SPOCK3: variants seen among roughly 807,000 people sequenced by gnomAD.
SPOCK3 encodes the protein testican-3.
SPOCK3 carries 30 observed loss-of-function variants against 56.6 expected under a neutral mutation model. The observed-to-expected ratio is 0.53, with a 90% CI of 0.40 to 0.72. The LOEUF is 0.72. Among genes scored for constraint, SPOCK3 ranks in the 30% least tolerant of loss-of-function variants. SPOCK3 has a pLI of 0.00. For synonymous variants in SPOCK3, 196 were observed against 183.3 expected (o/e 1.07, Z -0.56); for missense variants, 527 against 530.0 (o/e 0.99, Z 0.06).
intron 2 of SPOCK3, among the ~76,000 whole-genome samples, chr4:167,101,576 G>A (rs1221315440): frequency 6.6e-6 from 1 of 151,694 alleles, no homozygotes; most frequent in African/African-American, 2.4e-5. Context: ...TTACCAATAA[G>A]TGCTATTTAT....
intron 2 of SPOCK3, among the ~76,000 whole-genome samples, chr4:167,077,372 A>G (rs1394497250): frequency 6.6e-6 from 1 of 151,844 alleles, no homozygotes; most frequent in Non-Finnish European, 1.5e-5. Context: ...AAAAAAAGCT[A>G]TAGCCCAAAT....
intron 2 of SPOCK3, among the ~76,000 whole-genome samples, chr4:167,067,844 T>C (rs868850440): frequency 9.2e-5 from 14 of 152,010 alleles, no homozygotes; most frequent in Middle Eastern, 3.4e-3. Context: ...CTTTTTTCTT[T>C]TTAATTCACA....
chr4:166,847,278 A>G (rs894266789), intron 6 of SPOCK3, among the ~76,000 whole-genome samples: 2 of 151,980 alleles, frequency 1.3e-5, no homozygotes. Context: ...GATTCCTTTT[A>G]TTTTATTATT....
chr4:166,964,983 G>A (rs1744559927), intron 4 of SPOCK3, among the ~76,000 whole-genome samples: 1 of 151,864 alleles, frequency 6.6e-6, no homozygotes, highest in Non-Finnish European at 1.5e-5. Flanking sequence ...GGACTTTTCA[G>A]TGTTTACAAG....
At chr4:167,131,601 C>T (rs894476052) in intron 2 of SPOCK3, among the ~76,000 whole-genome samples, 11 of 151,736 alleles carry the variant, frequency 7.2e-5, no homozygotes, top group Non-Finnish European at 1.5e-4. Context: ...AGACTCCGTC[C>T]CCCACAAAAA....
At chr4:167,056,820 T>A (rs1754930278) in intron 3 of SPOCK3, among the ~76,000 whole-genome samples, 5 of 152,288 alleles carry the variant, frequency 3.3e-5, no homozygotes, top group Admixed American at 2.0e-4. Flanking sequence ...TTGCTGTACC[T>A]AAAAGTGACG....
intron 3 of SPOCK3, among the ~76,000 whole-genome samples, chr4:167,028,659 T>C (rs375868688): frequency 2.6e-5 from 4 of 152,034 alleles, no homozygotes; most frequent in African/African-American, 9.7e-5. Flanking sequence ...CATATGGCCA[T>C]ACTTTGCTTC....
intron 7 of SPOCK3, among the ~76,000 whole-genome samples, chr4:166,784,002 G>A (rs1740466063): frequency 6.6e-6 from 1 of 151,794 alleles, no homozygotes; most frequent in South Asian, 2.1e-4. Context: ...TTTTGAATAG[G>A]TTCCGATAGT....
chr4:166,794,248 A>C (rs1163669150), intron 6 of SPOCK3, among the ~76,000 whole-genome samples: 1 of 144,906 alleles, frequency 6.9e-6, no homozygotes, highest in Non-Finnish European at 1.5e-5. Flanking sequence ...CACACTCTTG[A>C]TATGAATGCT....
At chr4:167,208,080 G>C (rs574020693) in intron 2 of SPOCK3, among the ~76,000 whole-genome samples, 1 of 151,936 alleles carries the variant, frequency 6.6e-6, no homozygotes, top group Admixed American at 6.6e-5. Context: ...CTAAGTATTT[G>C]GCAAACACTT....
intron 2 of SPOCK3, among the ~76,000 whole-genome samples, chr4:167,099,554 A>C (rs1759453861): frequency 6.6e-6 from 1 of 152,090 alleles, no homozygotes; most frequent in Admixed American, 6.6e-5. Context: ...GTAAAGGCTC[A>C]GAAATTGGTG....
intron 6 of SPOCK3, among the ~76,000 whole-genome samples, chr4:166,833,494 C>A (rs534508496): frequency 3.3e-5 from 5 of 152,022 alleles, no homozygotes; most frequent in African/African-American, 1.2e-4. Flanking sequence ...TGGTTCCTAT[C>A]GGTTTTTGGT....
Position 167,000,449 on chromosome 4 carries a change from T to C in SPOCK3, c.250A>G (p.Lys84Glu). 6.3e-7 allele frequency: 1 copy of C among 1,578,818 alleles called. No homozygotes were observed. Among genetic ancestry groups the C allele is most frequent in the Non-Finnish European group, 8.6e-7 (1 of 1,156,752 alleles). ...KPFDQALDPA[K>E]DPCLKMKCSR... ...CATTTCATCTTTAAGCATGGATCCT[T>C]AGCTGGATCTAAAGCTAAAAAAATT... is the stretch of plus-strand genomic sequence containing the variant. Residue 84 changes from lysine (K) to glutamate (E), a missense_variant, in exon 4 of 11, where the codon AAG becomes GAG. Lys to Glu is a moderately conservative substitution (Grantham distance 56, BLOSUM62 1). Transcript: ENST00000357545.
At chr4:167,149,772 T>C (rs973995213) in intron 2 of SPOCK3, among the ~76,000 whole-genome samples, 4 of 151,984 alleles carry the variant, frequency 2.6e-5, no homozygotes, top group African/African-American at 9.6e-5. Flanking sequence ...TATGAGTTCC[T>C]TAATTGTAGA....
At chr4:166,901,215 GA>G (rs970557675) in intron 5 of SPOCK3, among the ~76,000 whole-genome samples, 1 of 152,052 alleles carries the variant, frequency 6.6e-6, no homozygotes, top group African/African-American at 2.4e-5. Flanking sequence ...CTGGTTGCTA[GA>G]AAAACCAAGA....
intron 5 of SPOCK3, among the ~76,000 whole-genome samples, chr4:166,911,348 TCAGA>T (rs1469334508): frequency 1.3e-5 from 2 of 152,198 alleles, no homozygotes; most frequent in East Asian, 3.9e-4. Flanking sequence ...AAATATTTGC[TCAGA>T]CAGATTATGA....
At chr4:167,128,779 A>G (rs1762487176) in intron 2 of SPOCK3, among the ~76,000 whole-genome samples, 1 of 152,150 alleles carries the variant, frequency 6.6e-6, no homozygotes, top group Admixed American at 6.5e-5. Context: ...CCTCTACATG[A>G]AGGAATTTAA....
At chr4:167,127,532 A>C (rs1762379762) in intron 2 of SPOCK3, among the ~76,000 whole-genome samples, 1 of 152,028 alleles carries the variant, frequency 6.6e-6, no homozygotes, top group Non-Finnish European at 1.5e-5. Flanking sequence ...GGTTCAAGCA[A>C]TTCTCCTGCC....
intron 7 of SPOCK3, among the ~76,000 whole-genome samples, chr4:166,790,792 C>T (rs1360916933): frequency 3.3e-5 from 5 of 152,060 alleles, no homozygotes; most frequent in African/African-American, 1.2e-4. Flanking sequence ...GAAATTTTAG[C>T]GCAAGCAATA....
Sources: gnomAD v4.1 joint callset for allele counts (sites outside exome capture counted in the v4.1 genomes callset) on GRCh38, gnomAD v4.1.1 for gene constraint, MANE v1.5 for transcripts, NCBI Gene and HGNC (gene_info 2026-07-23, HGNC 2026-07-21) for gene names.